SLC4A10: variants seen among roughly 807,000 people sequenced by gnomAD.
SLC4A10 encodes sodium-driven chloride bicarbonate exchanger.
Under a neutral mutation model 137.7 loss-of-function variants are expected in SLC4A10, and 42 were observed. That is an observed-to-expected ratio of 0.30 (90% CI 0.24 to 0.39). The LOEUF is 0.39. Among genes scored for constraint, SLC4A10 ranks in the 10% least tolerant of loss-of-function variants. The pLI is 1.00. For missense variants in SLC4A10, 925 were observed against 1,355.0 expected (o/e 0.68, Z 4.98); for synonymous variants, 474 against 464.1 (o/e 1.02, Z -0.27).
At chr2:161,670,271 CTCTTT>C (rs141219979) in intron 1 of SLC4A10, among the ~76,000 whole-genome samples, 4,918 of 149,626 alleles carry the variant, frequency 0.033, 273 homozygotes, top group African/African-American at 0.11. Context: ...CTCTTCCTTC[CTCTTT>C]TCTTCTCTTC....
chr2:161,687,452 AAT>A (rs2041555104), intron 1 of SLC4A10, among the ~76,000 whole-genome samples: 2 of 152,194 alleles, frequency 1.3e-5, no homozygotes, highest in African/African-American at 4.8e-5. Context: ...GGATTTATAA[AAT>A]AGAACAATCA....
intron 1 of SLC4A10, among the ~76,000 whole-genome samples, chr2:161,767,248 A>G (rs1384545620): frequency 7.0e-6 from 1 of 142,396 alleles, no homozygotes; most frequent in African/African-American, 2.6e-5. Flanking sequence ...ATATATATAT[A>G]TATATATTCA....
chr2:161,954,330 G>C (rs1695297440), intron 19 of SLC4A10, among the ~76,000 whole-genome samples: 1 of 152,134 alleles, frequency 6.6e-6, no homozygotes, highest in Non-Finnish European at 1.5e-5. Context: ...CTCTTGGCTG[G>C]CCTCTTGTCT....
intron 1 of SLC4A10, among the ~76,000 whole-genome samples, chr2:161,754,052 G>A (rs890616395): frequency 1.3e-5 from 2 of 151,820 alleles, no homozygotes. Context: ...ACCACACTCA[G>A]CTAATTTTTT....
chr2:161,726,664 T>G (rs2125152217), intron 1 of SLC4A10, among the ~76,000 whole-genome samples: 1 of 152,318 alleles, frequency 6.6e-6, no homozygotes, highest in East Asian at 1.9e-4. Flanking sequence ...GTCCCAGCAC[T>G]TTGGGAGGCC....
At chr2:161,842,354 C>A (rs949403595) in intron 4 of SLC4A10, among the ~76,000 whole-genome samples, 1 of 152,096 alleles carries the variant, frequency 6.6e-6, no homozygotes, top group African/African-American at 2.4e-5. Flanking sequence ...AATTATCAAA[C>A]TGCTTAAAAT....
At chr2:161,850,699 C>T (rs2059779283) in intron 4 of SLC4A10, among the ~76,000 whole-genome samples, 1 of 152,100 alleles carries the variant, frequency 6.6e-6, no homozygotes, top group Admixed American at 6.5e-5. Context: ...TTTTTCTCAT[C>T]TCCATTTTAT....
rs58808663 is a variant in SLC4A10, at chr2:161,828,767, CATATATATATATATATAT to C, written c.278-10997_278-10980del. Among the ~76,000 whole-genome samples, 114 of 42,092 alleles carry C rather than the reference CATATATATATATATATAT, an allele frequency of 2.7e-3. 6 individuals carry two copies. Among genetic ancestry groups the C allele is most frequent in the Middle Eastern group, 0.038 (2 of 52 alleles). The allele number at this position is 42,092 out of a possible 152,430, so 27.6% of individuals were successfully genotyped here. Reference sequence around the variant, plus strand: ...CTTTTCCTTGGTTTTAATTCTAATTCATATATATATATATATATATATATATATATATATATATATATG... The same window carrying C: ...CTTTTCCTTGGTTTTAATTCTAATTCATATATATATATATATATATATATG... On this transcript the variant is annotated intron_variant, in intron 3 of 26. Transcript: ENST00000446997.
chr2:161,803,146 G>A (rs976961914), intron 2 of SLC4A10, among the ~76,000 whole-genome samples: 1 of 151,920 alleles, frequency 6.6e-6, no homozygotes, highest in African/African-American at 2.4e-5. Flanking sequence ...TTGTTTGCTT[G>A]TACTTTTGCT....
chr2:161,756,180 G>T (rs1369506058), intron 1 of SLC4A10, among the ~76,000 whole-genome samples: 3 of 152,130 alleles, frequency 2.0e-5, no homozygotes, highest in Non-Finnish European at 4.4e-5. Context: ...AGACACCAAA[G>T]ATAGTAATTT....
chr2:161,725,679 T>C (rs751702757), intron 1 of SLC4A10, among the ~76,000 whole-genome samples: 7 of 152,222 alleles, frequency 4.6e-5, no homozygotes, highest in Non-Finnish European at 8.8e-5. Context: ...TTGAGATGTC[T>C]AAAGAAAAAA....
chr2:161,869,299 A>T (rs1559423854), intron 6 of SLC4A10, among the ~76,000 whole-genome samples: 1 of 151,672 alleles, frequency 6.6e-6, no homozygotes, highest in Non-Finnish European at 1.5e-5. Flanking sequence ...GATTCTTCTT[A>T]TGTAATAGTA....
intron 10 of SLC4A10, among the ~76,000 whole-genome samples, chr2:161,888,294 A>G (rs1342028517): frequency 1.3e-5 from 2 of 152,168 alleles, no homozygotes; most frequent in Admixed American, 6.5e-5. Flanking sequence ...TTGGTTCCAT[A>G]TGAAATTTAA....
rs370561496 is a variant in SLC4A10 at position 161,744,379 on chromosome 2, T to G, written c.49-26594T>G. Among the ~76,000 whole-genome samples the G allele has an allele frequency of 3.3e-5, 5 of 152,320 alleles. No individual in the cohort carries two copies. In the South Asian group the frequency reaches 1.0e-3, roughly 32 times the overall value. On this transcript the variant is annotated intron_variant, in intron 1 of 26. Coordinates refer to ENST00000446997, the MANE Select transcript of SLC4A10 (RefSeq NM_001178015.2). Reference sequence around the variant, plus strand: ...AATCAAATTCTTTTTCAGTATCGATTGAAATGATCATATAGTTTTTGTCCT... The same window carrying G: ...AATCAAATTCTTTTTCAGTATCGATGGAAATGATCATATAGTTTTTGTCCT...
intron 2 of SLC4A10, among the ~76,000 whole-genome samples, chr2:161,774,159 A>G (rs2052024778): frequency 6.6e-6 from 1 of 151,892 alleles, no homozygotes; most frequent in African/African-American, 2.4e-5. Flanking sequence ...GAGTAAAGCA[A>G]AAATTCTTGA....
intron 21 of SLC4A10, among the ~76,000 whole-genome samples, chr2:161,960,097 G>A (rs1696367664): frequency 1.3e-5 from 2 of 152,054 alleles, no homozygotes; most frequent in Non-Finnish European, 2.9e-5. Flanking sequence ...AGTGTGGTGT[G>A]GCTCATGCCT....
At chr2:161,817,656 A>G (rs935290973) in intron 3 of SLC4A10, among the ~76,000 whole-genome samples, 6 of 152,150 alleles carry the variant, frequency 3.9e-5, no homozygotes, top group African/African-American at 9.7e-5. Flanking sequence ...TAATTTTTGT[A>G]TATGGTGTAA....
At chr2:161,897,515 T>G (rs550198432) in intron 11 of SLC4A10, among the ~76,000 whole-genome samples, 32 of 152,142 alleles carry the variant, frequency 2.1e-4, no homozygotes, top group Non-Finnish European at 3.8e-4. Context: ...CCATGAGTAC[T>G]TAAAAAGGGT....
At chr2:161,906,015 C>G in intron 15 of SLC4A10, 128 bp downstream of exon 15, 2 of 1,198,412 alleles carry the variant, frequency 1.7e-6, no homozygotes, top group Non-Finnish European at 1.1e-6. Context: ...TAAATCCTGA[C>G]TCTCAGAGTC....
Sources: gnomAD v4.1 joint callset for allele counts (sites outside exome capture counted in the v4.1 genomes callset) on GRCh38, gnomAD v4.1.1 for gene constraint, MANE v1.5 for transcripts, NCBI Gene and HGNC (gene_info 2026-07-23, HGNC 2026-07-21) for gene names.